Variants in PCDHA2 observed in about 807,000 individuals in gnomAD.
PCDHA2 encodes protocadherin alpha-2.
In PCDHA2, 58 loss-of-function variants were observed where a neutral mutation model predicts 66.0. The ratio of observed to expected loss-of-function variants is 0.88; its 90% CI spans 0.71 to 1.09. PCDHA2 has a LOEUF of 1.09. Ranked by LOEUF, PCDHA2 falls within the 50% of genes least tolerant of loss-of-function variation. The pLI is 0.00. For missense variants in PCDHA2, 1,267 were observed against 1,242.3 expected (o/e 1.02, Z -0.30); for synonymous variants, 634 against 554.0 (o/e 1.14, Z -2.03).
chr5:140,823,895 C>G, intron 1 of PCDHA2: 1 of 1,613,974 alleles, frequency 6.2e-7, no homozygotes, highest in Non-Finnish European at 8.5e-7. Flanking sequence ...TGTGCGGTGT[C>G]CAGCCTGCTG....
intron 3 of PCDHA2, among the ~76,000 whole-genome samples, chr5:141,004,893 C>A (rs1339074840): frequency 1.3e-5 from 2 of 152,154 alleles, no homozygotes; most frequent in African/African-American, 4.8e-5. Flanking sequence ...ATTGTGTCAG[C>A]TCTGCCAGGG....
intron 1 of PCDHA2, among the ~76,000 whole-genome samples, chr5:140,909,261 G>A (rs1358542746): frequency 6.6e-6 from 1 of 152,226 alleles, no homozygotes; most frequent in Admixed American, 6.5e-5. Flanking sequence ...CTTGCTGACT[G>A]AAGGCAAATT....
intron 1 of PCDHA2, chr5:140,877,685 C>A (rs377753884): frequency 1.2e-6 from 2 of 1,613,628 alleles, no homozygotes; most frequent in Non-Finnish European, 1.7e-6. Context: ...GGCAAGCCCA[C>A]GCTGGTGTGC....
intron 1 of PCDHA2, chr5:140,869,037 C>A: frequency 1.3e-6 from 2 of 1,528,404 alleles, no homozygotes; most frequent in South Asian, 2.6e-5. Context: ...AGATTTTTAA[C>A]CTGAAACTGA....
chr5:140,841,896 T>A (rs2150325058), intron 1 of PCDHA2: 2 of 1,613,838 alleles, frequency 1.2e-6, no homozygotes, highest in Middle Eastern at 1.6e-4. Context: ...AATAAACTGG[T>A]TGAGCTCGTA....
chr5:140,884,802 A>G, intron 1 of PCDHA2: 1 of 1,232,140 alleles, frequency 8.1e-7, no homozygotes, highest in Non-Finnish European at 1.1e-6. Flanking sequence ...GAATTTAACA[A>G]CTCTGCTGTG....
chr5:140,882,307 A>G (rs2153383804), intron 1 of PCDHA2: 1 of 1,613,900 alleles, frequency 6.2e-7, no homozygotes, highest in South Asian at 1.1e-5. Context: ...GACCGCGGCA[A>G]CTACTGCTCT....
At position 140,802,453 on chromosome 5, in the gene PCDHA2, C is replaced by T. The variant is rs573377233; in HGVS notation, c.2388+5101C>T. On this transcript the variant is annotated intron_variant, in intron 1 of 3. Coordinates refer to ENST00000526136, the MANE Select transcript of PCDHA2 (RefSeq NM_018905.3). ...AGCCCTCTGGACCGCGAGAGCGTGT[C>T]GGCCTATGAGCTGGTGGTGACTGCT... The T allele has an allele frequency of 7.4e-6, 12 of 1,614,196 alleles. No individual in the cohort carries two copies. The Admixed American group carries it at 1.7e-4, about 22-fold the overall frequency.
Position 141,010,957 on chromosome 5 carries a change from C to CT in PCDHA2, c.*1021dup, listed in dbSNP as rs1342734442. The CT allele has an allele frequency of 6.5e-5, 10 of 153,858 alleles. No homozygotes were observed. Among genetic ancestry groups the CT allele is most frequent in the African/African-American group, 2.4e-4 (10 of 41,554 alleles). The allele number at this position is 153,858 out of a possible 1,614,324, so 9.5% of individuals were successfully genotyped here. A position where few individuals can be genotyped will look rare whatever the true frequency, so the allele number is the denominator to read the frequency against. On this transcript the variant is annotated 3_prime_UTR_variant, in exon 4 of 4. Coordinates refer to ENST00000526136, the MANE Select transcript of PCDHA2 (RefSeq NM_018905.3). ...ACAGCCATTTAAATGATCATTGCTG[C>CT]TACAGAAGTGCTTTAAGAGAATTGC...
chr5:140,940,164 AT>A (rs1407801775), intron 1 of PCDHA2, among the ~76,000 whole-genome samples: 1 of 152,170 alleles, frequency 6.6e-6, no homozygotes, highest in African/African-American at 2.4e-5. Flanking sequence ...TTTGCCTGAA[AT>A]GTCATTCTTG....
At chr5:140,830,456 C>T in intron 1 of PCDHA2, 1 of 1,594,032 alleles carries the variant, frequency 6.3e-7, no homozygotes, top group South Asian at 1.1e-5. Context: ...GGCGGAGAAT[C>T]AGGATTTAAA....
intron 1 of PCDHA2, among the ~76,000 whole-genome samples, chr5:140,972,133 C>T (rs532498360): frequency 2.0e-5 from 3 of 152,072 alleles, no homozygotes; most frequent in East Asian, 3.9e-4. Flanking sequence ...CAGTGAGTTA[C>T]TACTATTTTT....
At chr5:140,827,803 C>G (rs1054695243) in intron 1 of PCDHA2, among the ~76,000 whole-genome samples, 2 of 152,100 alleles carry the variant, frequency 1.3e-5, no homozygotes, top group Admixed American at 6.5e-5. Context: ...AAATTACAAA[C>G]GTGAGGAGGG....
At chr5:140,866,566 A>C (rs1554160398) in intron 1 of PCDHA2, 1 of 152,154 alleles carries the variant, frequency 6.6e-6, no homozygotes, top group Non-Finnish European at 1.5e-5. Context: ...TAATTTTGTT[A>C]ATACAGTGGT....
chr5:140,968,614 A>G, intron 1 of PCDHA2: 5 of 1,614,142 alleles, frequency 3.1e-6, no homozygotes, highest in Non-Finnish European at 4.2e-6. Flanking sequence ...ACTCTGGGCA[A>G]AATGCTTGGC....
rs782193156 is a variant in PCDHA2 at position 140,795,173 on chromosome 5, G to C, written c.209G>C (p.Arg70Thr). The change falls in exon 1 of 4, where the codon AGA becomes ACA. Residue 70 changes from arginine (R) to threonine (T), a missense_variant. Coordinates refer to ENST00000526136, the MANE Select transcript of PCDHA2 (RefSeq NM_018905.3). ...CGCCTGTTCCGGGTGGCGTCCAAAA[G>C]ACACGGGGACCTTCTGGAGGTAAAT... is the stretch of plus-strand genomic sequence containing the variant. The part of the protein sequence containing the change: ...VPRLFRVASK[R>T]HGDLLEVNLQ... The C allele has an allele frequency of 1.2e-6, 2 of 1,614,094 alleles. No individual in the cohort carries two copies. The highest frequency in any genetic ancestry group is 2.2e-5 in the East Asian group (1 of 44,882).
chr5:140,848,115 A>G, intron 1 of PCDHA2: 1 of 178,506 alleles, frequency 5.6e-6, no homozygotes, highest in Non-Finnish European at 1.2e-5. Flanking sequence ...TAAGAAAACC[A>G]CAATCAAGGT....
chr5:141,000,555 G>A (rs1395458694), intron 3 of PCDHA2, among the ~76,000 whole-genome samples: 1 of 148,762 alleles, frequency 6.7e-6, no homozygotes, highest in Non-Finnish European at 1.5e-5. Context: ...AAACTCCCGA[G>A]TAGCTGGGAT....
At chr5:140,857,793 G>T (rs782663646) in intron 1 of PCDHA2, 3 of 1,597,706 alleles carry the variant, frequency 1.9e-6, no homozygotes, top group Non-Finnish European at 2.6e-6. Flanking sequence ...CTGGTGCTGC[G>T]GTCGGTGGTT....
Sources: allele counts gnomAD v4.1 joint callset (sites outside exome capture counted in the v4.1 genomes callset), GRCh38; gene constraint gnomAD v4.1.1; transcripts MANE v1.5; gene names NCBI Gene and HGNC (gene_info 2026-07-23, HGNC 2026-07-21).